The following ADORA1 variants were observed in gnomAD, a reference collection of about 807,000 sequenced individuals.
The protein encoded by ADORA1 is adenosine receptor A1.
In ADORA1, 6 loss-of-function variants were observed where a neutral mutation model predicts 19.9. The observed-to-expected ratio is 0.30, with a 90% CI of 0.17 to 0.59. The LOEUF is 0.59. Ranked by LOEUF, ADORA1 falls within the 20% of genes least tolerant of loss-of-function variation. The pLI is 0.87. For synonymous variants in ADORA1, 194 were observed against 188.4 expected (o/e 1.03, Z -0.24); for missense variants, 302 against 439.2 (o/e 0.69, Z 2.79).
intron 3 of ADORA1, among the ~76,000 whole-genome samples, chr1:203,144,514 C>A (rs1406566730): frequency 2.0e-5 from 3 of 152,046 alleles, no homozygotes; most frequent in Non-Finnish European, 2.9e-5. Context: ...ATAATATATC[C>A]CCATTTTCCA....
intron 3 of ADORA1, among the ~76,000 whole-genome samples, chr1:203,135,948 C>T (rs1482851588): frequency 6.6e-6 from 1 of 152,184 alleles, no homozygotes; most frequent in Non-Finnish European, 1.5e-5. Context: ...CTGTATGGGC[C>T]CCAAGTCTAG....
chr1:203,148,684 C>T (rs1198619894), intron 3 of ADORA1, among the ~76,000 whole-genome samples: 1 of 152,154 alleles, frequency 6.6e-6, no homozygotes, highest in Non-Finnish European at 1.5e-5. Flanking sequence ...AAGTTGGAGG[C>T]CCTGGGGTTG....
At chr1:203,148,947 G>A (rs1370079387) in intron 3 of ADORA1, among the ~76,000 whole-genome samples, 3 of 151,886 alleles carry the variant, frequency 2.0e-5, no homozygotes, top group South Asian at 2.1e-4. Flanking sequence ...GCATGATTTC[G>A]GCTCACTGCA....
rs1654230357 is a variant in ADORA1 at position 203,128,598 on chromosome 1, C to T, written c.-58+166C>T. Among the ~76,000 whole-genome samples the T allele has an allele frequency of 6.6e-6, 1 of 152,140 alleles. No homozygotes were observed. Among genetic ancestry groups the T allele is most frequent in the Admixed American group, 6.5e-5 (1 of 15,280 alleles). The stretch of plus-strand genomic sequence containing the variant: ...TGCTATTTTAAGTTGCTGAATGGAA[C>T]CTCTGGGAATGATAAAGGGAAGGGA... On this transcript the variant is annotated intron_variant, in intron 2 of 3. Transcript: ENST00000337894. The surrounding 1 kb of genome is among the most constrained non-coding windows in gnomAD (Gnocchi z 5.9).
intron 3 of ADORA1, among the ~76,000 whole-genome samples, chr1:203,133,061 A>G (rs1654391523): frequency 1.3e-5 from 2 of 151,744 alleles, no homozygotes; most frequent in South Asian, 4.2e-4. Context: ...TATCTCATTC[A>G]ATGTTCATAG....
At chr1:203,160,550 C>T (rs572904776) in intron 3 of ADORA1, among the ~76,000 whole-genome samples, 5 of 152,302 alleles carry the variant, frequency 3.3e-5, no homozygotes, top group South Asian at 2.1e-4. Flanking sequence ...CAGTGGTGCA[C>T]GCCTGTAATC....
chr1:203,165,386 G>T lies in ADORA1; in HGVS notation c.467G>T (p.Trp156Leu). The change falls in exon 4 of 4, where the codon TGG becomes TTG. Residue 156 changes from tryptophan (W) to leucine (L), a missense_variant. Coordinates refer to ENST00000337894, the MANE Select transcript of ADORA1 (RefSeq NM_000674.3). The surrounding 1 kb of genome is among the most constrained non-coding windows in gnomAD (Gnocchi z 5.9). ...WNNLSAVERAWAANGSMGEPV... is the reference protein window; with the variant it reads ...WNNLSAVERALAANGSMGEPV... ...AATCTGAGTGCGGTGGAGCGGGCCT[G>T]GGCAGCCAACGGCAGCATGGGGGAG... 1 of 1,606,580 alleles carries T rather than the reference G, an allele frequency of 6.2e-7. No homozygotes were observed. Among genetic ancestry groups the T allele is most frequent in the Non-Finnish European group, 8.5e-7 (1 of 1,176,220 alleles).
At chr1:203,162,013 T>C (rs1655386878) in intron 3 of ADORA1, among the ~76,000 whole-genome samples, 1 of 152,182 alleles carries the variant, frequency 6.6e-6, no homozygotes, top group African/African-American at 2.4e-5. Context: ...AGCATCTCCC[T>C]GCTTAGCTCC....
intron 3 of ADORA1, among the ~76,000 whole-genome samples, chr1:203,159,844 A>G (rs1430477312): frequency 1.3e-5 from 2 of 152,240 alleles, no homozygotes; most frequent in Non-Finnish European, 2.9e-5. Flanking sequence ...CAAGACAGCA[A>G]CTAAATACCT....
At chr1:203,154,931 T>C (rs1410701755) in intron 3 of ADORA1, among the ~76,000 whole-genome samples, 1 of 152,040 alleles carries the variant, frequency 6.6e-6, no homozygotes. Context: ...CCACCCCCTC[T>C]TCCTTCTTTT....
chr1:203,165,490 C>T lies in ADORA1; in HGVS notation c.571C>T (p.Pro191Ser), dbSNP rs368740274. The T allele has an allele frequency of 5.0e-5, 80 of 1,612,976 alleles. No individual in the cohort carries two copies. The highest frequency in any genetic ancestry group is 6.8e-5 in the Non-Finnish European group (80 of 1,179,304). The change falls in exon 4 of 4, where the codon CCC (proline) becomes TCC (serine). Residue 191 changes from proline (P) to serine (S), a missense_variant. By Grantham distance (74) the Pro-to-Ser change is moderately conservative (BLOSUM62 -1). Coordinates refer to ENST00000337894, the MANE Select transcript of ADORA1 (RefSeq NM_000674.3). This position sits in a 1 kb window ranked among gnomAD's most constrained non-coding sequence, Gnocchi z 5.9. ...CTTCAACTTCTTTGTGTGGGTGCTG[C>T]CCCCGCTTCTCCTCATGGTCCTCAT... ...VYFNFFVWVLPPLLLMVLIYL... is the reference protein window; with the variant it reads ...VYFNFFVWVLSPLLLMVLIYL...
intron 3 of ADORA1, among the ~76,000 whole-genome samples, chr1:203,147,283 G>A (rs978256296): frequency 6.6e-6 from 1 of 152,158 alleles, no homozygotes; most frequent in Non-Finnish European, 1.5e-5. Context: ...GAGCCTCTTT[G>A]CCCTCTCTTC....
intron 3 of ADORA1, among the ~76,000 whole-genome samples, chr1:203,140,083 G>A (rs1285978216): frequency 6.6e-6 from 1 of 152,184 alleles, no homozygotes; most frequent in Non-Finnish European, 1.5e-5. Context: ...ATCACCACCC[G>A]AAAGGGTTCA....
At chr1:203,155,728 G>C (rs1455513215) in intron 3 of ADORA1, among the ~76,000 whole-genome samples, 1 of 152,194 alleles carries the variant, frequency 6.6e-6, no homozygotes, top group East Asian at 1.9e-4. Flanking sequence ...CTGGTGGCCT[G>C]GTGGCAGTTT....
chr1:203,159,525 C>T (rs544405112), intron 3 of ADORA1, among the ~76,000 whole-genome samples: 77 of 152,268 alleles, frequency 5.1e-4, no homozygotes, highest in African/African-American at 1.8e-3. Context: ...CTGGCTGGCT[C>T]GTTGGTGGTC....
At chr1:203,129,980 A>T (rs574503851) in intron 3 of ADORA1, among the ~76,000 whole-genome samples, 1 of 152,354 alleles carries the variant, frequency 6.6e-6, no homozygotes, top group African/African-American at 2.4e-5. Context: ...CTGCCAGGCC[A>T]CAATCTCATC....
intron 3 of ADORA1, among the ~76,000 whole-genome samples, chr1:203,160,451 G>C (rs1655327677): frequency 6.6e-6 from 1 of 152,134 alleles, no homozygotes; most frequent in African/African-American, 2.4e-5. Flanking sequence ...TTCACATTAG[G>C]GATGCTCAAC....
chr1:203,144,081 T>TAAACAC (rs10638251), intron 3 of ADORA1, among the ~76,000 whole-genome samples: 1 of 139,772 alleles, frequency 7.2e-6, no homozygotes, highest in African/African-American at 2.8e-5. Context: ...GACTACCTCT[T>TAAACAC]ACACACACAC....
chr1:203,159,481 C>A (rs1431963299), intron 3 of ADORA1, among the ~76,000 whole-genome samples: 2 of 152,126 alleles, frequency 1.3e-5, no homozygotes, highest in Admixed American at 1.3e-4. Flanking sequence ...CCGATGGTGC[C>A]TTCTGCCTAG....
Sources: gnomAD v4.1 joint callset for allele counts (sites outside exome capture counted in the v4.1 genomes callset) on GRCh38, gnomAD v4.1.1 for gene constraint, Gnocchi (gnomAD v3.1) non-coding constraint, MANE v1.5 for transcripts, NCBI Gene and HGNC (gene_info 2026-07-23, HGNC 2026-07-21) for gene names.